The following DYNLT5 variants were observed in gnomAD, a reference collection of about 807,000 sequenced individuals.
DYNLT5 encodes dynein light chain Tctex-type family member 5, also known as dynein light chain Tctex-type 5.
In DYNLT5, 25 loss-of-function variants were observed where a neutral mutation model predicts 19.3. That is an observed-to-expected ratio of 1.30 (90% CI 0.95 to 1.81). The LOEUF (loss-of-function observed/expected upper bound fraction) is 1.81, where lower values mean the gene tolerates loss of function less well. DYNLT5 is among the 40% of genes most tolerant of loss of function. The probability of loss-of-function intolerance (pLI) is 0.00; values close to 1 mark genes in which losing one functional copy is unlikely to be tolerated. For synonymous variants in DYNLT5, 82 were observed against 68.9 expected (o/e 1.19, Z -0.94); for missense variants, 232 against 217.9 (o/e 1.06, Z -0.41).
Position 66,754,749 on chromosome 1 carries a change from C to T in DYNLT5, c.91C>T (p.Arg31Ter), listed in dbSNP as rs200537226. ...ISSLSNHEFWRKEIHGRIKDS... is the reference protein window; with the variant it reads ...ISSLSNHEFW ...TTCTCTAAGTAATCATGAATTTTGGCGAAAGGAAATTCATGGGCGCATCAA... is the reference window on the plus strand; with the variant it reads ...TTCTCTAAGTAATCATGAATTTTGGTGAAAGGAAATTCATGGGCGCATCAA... Residue 31 changes from arginine to a stop codon, truncating the protein, a stop_gained, in exon 2 of 5, where the codon CGA becomes TGA. Transcript: ENST00000282670. LOFTEE classifies it high-confidence loss of function. 6.7e-5 allele frequency: 108 copies of T among 1,611,032 alleles called. 1 individual carries two copies. The highest frequency in any genetic ancestry group is 1.5e-4 in the Admixed American group (9 of 59,698).
At chr1:66,754,138 G>A (rs894606268) in intron 1 of DYNLT5, among the ~76,000 whole-genome samples, 30 of 151,960 alleles carry the variant, frequency 2.0e-4, no homozygotes, top group African/African-American at 7.0e-4. Context: ...TACTCAGGTG[G>A]CTGAGTTGGG....
At chr1:66,773,969 CAAAG>C (rs1382326118) in intron 3 of DYNLT5, among the ~76,000 whole-genome samples, 1 of 151,948 alleles carries the variant, frequency 6.6e-6, no homozygotes, top group African/African-American at 2.4e-5. Context: ...GGAAAGGTAA[CAAAG>C]AAGTAAGAAA....
intron 2 of DYNLT5, among the ~76,000 whole-genome samples, chr1:66,770,169 T>A (rs1199325016): frequency 2.0e-5 from 3 of 152,204 alleles, no homozygotes; most frequent in Non-Finnish European, 4.4e-5. Flanking sequence ...GCTTCAGCCA[T>A]CACATTGAGA....
chr1:66,763,047 C>T (rs967389189), intron 2 of DYNLT5, among the ~76,000 whole-genome samples: 3 of 152,056 alleles, frequency 2.0e-5, no homozygotes, highest in Admixed American at 1.3e-4. Context: ...AGATGAAGGT[C>T]GAAATTACTC....
chr1:66,753,275 G>A (rs1009529920), intron 1 of DYNLT5, among the ~76,000 whole-genome samples: 2 of 152,230 alleles, frequency 1.3e-5, no homozygotes, highest in Non-Finnish European at 2.9e-5. Context: ...CTCCTTGAAG[G>A]CATGGATTCT....
chr1:66,771,481 A>G (rs572234087), intron 3 of DYNLT5, among the ~76,000 whole-genome samples: 4 of 152,324 alleles, frequency 2.6e-5, no homozygotes, highest in African/African-American at 9.6e-5. Flanking sequence ...GGTGAATCCA[A>G]TCAAAGACTT....
At chr1:66,767,596 C>T (rs1277633563) in intron 2 of DYNLT5, among the ~76,000 whole-genome samples, 1 of 152,166 alleles carries the variant, frequency 6.6e-6, no homozygotes, top group Non-Finnish European at 1.5e-5. Flanking sequence ...TAGCATCCCA[C>T]TTCCAGGTAG....
At chr1:66,761,086 T>G (rs2094645258) in intron 2 of DYNLT5, among the ~76,000 whole-genome samples, 2 of 152,244 alleles carry the variant, frequency 1.3e-5, no homozygotes, top group Non-Finnish European at 2.9e-5. Context: ...CTTTCCATTA[T>G]AGCCTTTCTC....
chr1:66,763,084 G>A (rs527735437), intron 2 of DYNLT5, among the ~76,000 whole-genome samples: 18 of 152,332 alleles, frequency 1.2e-4, no homozygotes, highest in African/African-American at 4.3e-4. Flanking sequence ...CAGAATGAAT[G>A]TTGTGTTAGC....
At chr1:66,776,182 A>G in intron 3 of DYNLT5, 97 bp from the exon 4 acceptor site, 1 of 1,463,570 alleles carries the variant, frequency 6.8e-7, no homozygotes, top group South Asian at 1.5e-5. Context: ...AGAAGATTAA[A>G]TCCCTCCATG....
At chr1:66,757,894 C>A (rs2094639210) in intron 2 of DYNLT5, among the ~76,000 whole-genome samples, 1 of 152,130 alleles carries the variant, frequency 6.6e-6, no homozygotes, top group African/African-American at 2.4e-5. Flanking sequence ...TTCACTTGTG[C>A]GTTGTCTCTG....
intron 2 of DYNLT5, among the ~76,000 whole-genome samples, chr1:66,764,208 A>C (rs1300412482): frequency 1.3e-5 from 2 of 152,134 alleles, no homozygotes; most frequent in African/African-American, 4.8e-5. Context: ...AAAAACAAAC[A>C]AACAAAAAAT....
At chr1:66,776,560 GGTGT>G (rs112651579) in intron 4 of DYNLT5, among the ~76,000 whole-genome samples, 157 bp downstream of exon 4, 8 of 126,588 alleles carry the variant, frequency 6.3e-5, no homozygotes, top group Admixed American at 1.6e-4. Flanking sequence ...TGTGTGTGTG[GGTGT>G]GTGTGTGTGT....
chr1:66,769,067 GT>G (rs1393294300), intron 2 of DYNLT5, among the ~76,000 whole-genome samples: 1 of 152,160 alleles, frequency 6.6e-6, no homozygotes, highest in Non-Finnish European at 1.5e-5. Context: ...GAATCAAGGG[GT>G]TTATGTAACA....
At chr1:66,765,286 TTACAAA>T (rs1256393431) in intron 2 of DYNLT5, among the ~76,000 whole-genome samples, 1 of 152,180 alleles carries the variant, frequency 6.6e-6, no homozygotes, top group African/African-American at 2.4e-5. Flanking sequence ...CATTTCATAG[TTACAAA>T]TAGAAGGAAA....
intron 2 of DYNLT5, among the ~76,000 whole-genome samples, chr1:66,768,470 A>C (rs1447123560): frequency 1.3e-5 from 2 of 152,230 alleles, no homozygotes; most frequent in Non-Finnish European, 2.9e-5. Context: ...AAAAAAAGTC[A>C]ATCTGCAAAA....
chr1:66,770,608 T>C (rs1645198352), intron 3 of DYNLT5, 130 bp downstream of exon 3: 2 of 790,248 alleles, frequency 2.5e-6, no homozygotes, highest in South Asian at 1.4e-5. Context: ...ATGAATTGAG[T>C]GATTTGATGT....
rs116254109 is a variant in DYNLT5, at chr1:66,774,377, G to A, written c.212-1902G>A. On this transcript the variant is annotated intron_variant, in intron 3 of 4. Coordinates refer to ENST00000282670, the MANE Select transcript of DYNLT5 (RefSeq NM_152665.3). ...ACCATGCCCTAGGCTTGGGTTCGCA[G>A]GAGATGATGGGGAGATCTTTAAGAA... Among the ~76,000 whole-genome samples the A allele has an allele frequency of 3.8e-3, 568 of 147,540 alleles. 2 individuals are homozygous for A. The highest frequency in any genetic ancestry group is 0.014 in the African/African-American group (542 of 39,534).
intron 1 of DYNLT5, 124 bp from the exon 2 acceptor site, chr1:66,754,532 C>T (rs534099807): frequency 2.0e-5 from 20 of 976,410 alleles, no homozygotes; most frequent in African/African-American, 1.2e-4. Flanking sequence ...CTTGAGGAAA[C>T]CCCACTTTCC....
Sources: allele counts gnomAD v4.1 joint callset (sites outside exome capture counted in the v4.1 genomes callset), GRCh38; gene constraint gnomAD v4.1.1; transcripts MANE v1.5; gene names NCBI Gene and HGNC (gene_info 2026-07-23, HGNC 2026-07-21).